ADAMTSL3: variants seen among roughly 807,000 people sequenced by gnomAD.
The protein encoded by ADAMTSL3 is ADAMTS like 3.
ADAMTSL3 carries 128 observed loss-of-function variants against 201.7 expected under a neutral mutation model. That is an observed-to-expected ratio of 0.63 (90% confidence interval 0.55 to 0.73). ADAMTSL3 has a LOEUF of 0.73. ADAMTSL3 is among the 30% of genes least tolerant of loss of function. ADAMTSL3 has a pLI of 0.00. For synonymous variants in ADAMTSL3, 738 were observed against 748.4 expected, an observed-to-expected ratio of 0.99 and a Z score of 0.23; for missense variants, 1,990 against 2,119.6, an observed-to-expected ratio of 0.94 and a Z score of 1.20.
intron 17 of ADAMTSL3, among the ~76,000 whole-genome samples, chr15:83,927,725 C>CTA (rs2066275251): frequency 1.3e-5 from 2 of 152,078 alleles, no homozygotes; most frequent in Non-Finnish European, 2.9e-5. Flanking sequence ...AACATAAAGC[C>CTA]CAAACATGGA....
chr15:83,851,916 T>C (rs1300118762), intron 7 of ADAMTSL3, among the ~76,000 whole-genome samples: 1 of 152,186 alleles, frequency 6.6e-6, no homozygotes, highest in African/African-American at 2.4e-5. Flanking sequence ...TCCTAACCAG[T>C]TCCACTTTTT....
intron 19 of ADAMTSL3, among the ~76,000 whole-genome samples, chr15:83,948,775 CTCT>C (rs2066705148): frequency 7.1e-6 from 1 of 141,810 alleles, no homozygotes; most frequent in Non-Finnish European, 1.6e-5. Context: ...TATTATAAAA[CTCT>C]TCTTTTACTC....
intron 20 of ADAMTSL3, among the ~76,000 whole-genome samples, chr15:83,973,558 T>C (rs2067231804): frequency 6.6e-6 from 1 of 152,234 alleles, no homozygotes; most frequent in East Asian, 1.9e-4. Context: ...TTCATATTTA[T>C]GCTATTTTAG....
chr15:83,680,057 A>G (rs1425031308), intron 2 of ADAMTSL3, among the ~76,000 whole-genome samples: 2 of 152,174 alleles, frequency 1.3e-5, no homozygotes, highest in African/African-American at 2.4e-5. Flanking sequence ...TGGGGAAGGC[A>G]TCCATGGTGT....
At chr15:83,863,100 G>T (rs1297698811) in intron 8 of ADAMTSL3, among the ~76,000 whole-genome samples, 1 of 152,092 alleles carries the variant, frequency 6.6e-6, no homozygotes, top group East Asian at 1.9e-4. Flanking sequence ...CCCAATACAG[G>T]AACACCCAGA....
chr15:83,751,388 G>A (rs539782169), intron 3 of ADAMTSL3, among the ~76,000 whole-genome samples: 36 of 152,288 alleles, frequency 2.4e-4, no homozygotes, highest in African/African-American at 7.9e-4. Context: ...TAGTGACCTG[G>A]AAATTAAGTC....
rs558640418 is a variant in ADAMTSL3 at position 83,862,468 on chromosome 15, A to C, written c.802+3628A>C. ...GAAGAGAGTGGGGGCCAATATTCAA[A>C]ATTCTTAAAGAAAAGAATTTTCAAC... On this transcript the variant is annotated intron_variant, in intron 8 of 29. Transcript: ENST00000286744. 71 of 152,294 alleles carry C rather than the reference A, an allele frequency of 4.7e-4. No homozygotes were observed. In the East Asian group the frequency reaches 9.4e-3, roughly 20 times the overall value. The allele number at this position is 152,294 out of a possible 1,614,324, so 9.4% of individuals were successfully genotyped here.
intron 6 of ADAMTSL3, among the ~76,000 whole-genome samples, chr15:83,837,661 T>C (rs1232393431): frequency 1.3e-5 from 2 of 151,568 alleles, no homozygotes; most frequent in Non-Finnish European, 2.9e-5. Flanking sequence ...GGCCTGTGAC[T>C]CAACCTCCCA....
chr15:83,993,204 G>GC (rs1350808927), intron 23 of ADAMTSL3, among the ~76,000 whole-genome samples: 1 of 152,148 alleles, frequency 6.6e-6, no homozygotes, highest in African/African-American at 2.4e-5. Context: ...AGTTGATGAA[G>GC]GGTCAGAAAA....
In ADAMTSL3 at chr15:83,890,594, A is replaced by G. The variant is rs558025120; in HGVS notation, c.1211+347A>G. ...TAGCTTTTAAACTGGGTCACTCATTATCATCTTTTGGCTTTTGAAGTATTC... is the reference window on the plus strand; with the variant it reads ...TAGCTTTTAAACTGGGTCACTCATTGTCATCTTTTGGCTTTTGAAGTATTC... On this transcript the variant is annotated intron_variant, in intron 11 of 29. Coordinates refer to ENST00000286744, the MANE Select transcript of ADAMTSL3 (RefSeq NM_207517.3). 17 of 199,192 alleles carry G rather than the reference A, an allele frequency of 8.5e-5. No homozygotes were observed. The South Asian group carries it at 2.8e-3, about 33-fold the overall frequency. 12.3% of individuals were successfully genotyped at this position (199,192 alleles called of 1,614,324 possible). A position where few individuals can be genotyped will look rare whatever the true frequency, so the allele number is the denominator to read the frequency against.
At chr15:83,799,264 A>G (rs60838700) in intron 4 of ADAMTSL3, among the ~76,000 whole-genome samples, 2,839 of 152,194 alleles carry the variant, frequency 0.019, 102 homozygotes, top group African/African-American at 0.065. Context: ...TTATCAGTGT[A>G]CTCCTTCAAA....
chr15:83,793,132 G>C lies in ADAMTSL3; in HGVS notation c.318-11518G>C, dbSNP rs559528208. On this transcript the variant is annotated intron_variant, in intron 4 of 29. Transcript: ENST00000286744. Reference sequence around the variant, plus strand: ...TCACTCATATGTAGACGCTAAAAAAGTTGATCTCGTAGAAAAAGAGAGTAA... The same window carrying C: ...TCACTCATATGTAGACGCTAAAAAACTTGATCTCGTAGAAAAAGAGAGTAA... 1.5e-4 allele frequency among the ~76,000 whole-genome samples: 23 copies of C among 152,306 alleles called. No homozygotes were observed. The South Asian group carries it at 4.8e-3, about 32-fold the overall frequency.
chr15:83,969,007 G>A (rs1252869269), intron 19 of ADAMTSL3, among the ~76,000 whole-genome samples: 2 of 152,110 alleles, frequency 1.3e-5, no homozygotes, highest in Non-Finnish European at 1.5e-5. Context: ...CTGTCAGGGG[G>A]TGGGGGGCTA....
rs571956289 is a variant in ADAMTSL3, at chr15:83,824,002, T to C, written c.600+3955T>C. On this transcript the variant is annotated intron_variant, in intron 6 of 29. Transcript: ENST00000286744. ...TCCTCCTCCTCCTCCTTCTCCTTCTTCTTCCTCTTCTTTCTTCTTTCTTCC... is the reference window on the plus strand; with the variant it reads ...TCCTCCTCCTCCTCCTTCTCCTTCTCCTTCCTCTTCTTTCTTCTTTCTTCC... Among the ~76,000 whole-genome samples, 51 of 147,186 alleles carry C rather than the reference T, an allele frequency of 3.5e-4. No individual in the cohort carries two copies. The South Asian group carries it at 6.5e-3, about 19-fold the overall frequency.
chr15:83,989,070 G>A (rs1425605442), intron 22 of ADAMTSL3, among the ~76,000 whole-genome samples: 2 of 151,934 alleles, frequency 1.3e-5, no homozygotes, highest in Non-Finnish European at 2.9e-5. Context: ...TTTTAGTAGA[G>A]ACGGGGTTTC....
At chr15:83,923,013 A>G (rs773050344) in intron 16 of ADAMTSL3, among the ~76,000 whole-genome samples, 32 of 152,198 alleles carry the variant, frequency 2.1e-4, no homozygotes, top group Non-Finnish European at 4.4e-4. Context: ...GACAAAGAAT[A>G]CTGGTTGAGA....
chr15:83,856,017 CAAAAA>C (rs1026934028), intron 7 of ADAMTSL3, among the ~76,000 whole-genome samples: 2 of 151,860 alleles, frequency 1.3e-5, no homozygotes, highest in African/African-American at 4.8e-5. Flanking sequence ...TCTCAAAAAA[CAAAAA>C]CAAAACAAAA....
At chr15:83,918,591 A>G (rs943950755) in intron 16 of ADAMTSL3, among the ~76,000 whole-genome samples, 5 of 152,176 alleles carry the variant, frequency 3.3e-5, no homozygotes, top group African/African-American at 1.2e-4. Context: ...TGCATGGTAC[A>G]TTCCAGGAAT....
intron 2 of ADAMTSL3, among the ~76,000 whole-genome samples, chr15:83,660,350 T>C (rs988349293): frequency 9.3e-4 from 141 of 152,280 alleles, no homozygotes; most frequent in African/African-American, 3.3e-3. Context: ...GCAGTGAGGA[T>C]GGAATCCTAA....
Sources: gnomAD v4.1 joint callset for allele counts (sites outside exome capture counted in the v4.1 genomes callset) on GRCh38, gnomAD v4.1.1 for gene constraint, MANE v1.5 for transcripts, NCBI Gene and HGNC (gene_info 2026-07-23, HGNC 2026-07-21) for gene names.